DOCK10: variants seen among roughly 807,000 people sequenced by gnomAD.
DOCK10 encodes dedicator of cytokinesis 10.
Under a neutral mutation model 280.1 loss-of-function variants are expected in DOCK10, and 145 were observed. The ratio of observed to expected loss-of-function variants is 0.52; its 90% confidence interval spans 0.45 to 0.59. The LOEUF (loss-of-function observed/expected upper bound fraction) is 0.59. Ranked by LOEUF, DOCK10 falls within the 20% of genes least tolerant of loss-of-function variation. The pLI, the probability that DOCK10 is intolerant of heterozygous loss-of-function variation, is 0.00. For synonymous variants in DOCK10, 915 were observed against 942.2 expected (o/e 0.97, Z 0.53); for missense variants, 2,368 against 2,651.7 (o/e 0.89, Z 2.35).
chr2:224,838,983 CA>C (rs1235402375), intron 24 of DOCK10, among the ~76,000 whole-genome samples: 5 of 152,186 alleles, frequency 3.3e-5, no homozygotes, highest in Non-Finnish European at 7.3e-5. Flanking sequence ...AAATATCAAA[CA>C]TGCAACCACC....
chr2:224,900,759 T>G (rs1397183519), intron 3 of DOCK10, among the ~76,000 whole-genome samples: 1 of 152,230 alleles, frequency 6.6e-6, no homozygotes, highest in Non-Finnish European at 1.5e-5. Context: ...GTGTAAGCCC[T>G]CAATAAGTAC....
In DOCK10 at chr2:224,919,069, G is replaced by GGT. The variant is rs749875061; in HGVS notation, c.244-2287_244-2286dup. Among the ~76,000 whole-genome samples the GGT allele has an allele frequency of 8.7e-5, 13 of 149,312 alleles. No homozygotes were observed. In the South Asian group the frequency reaches 2.1e-3, roughly 24 times the overall value. ...TGTGTGGTCTGTGTGGTGTATGTGT[G>GGT]GTGTGTGTGTGTGGGGAGTGTGTGT... On this transcript the variant is annotated intron_variant, in intron 2 of 55. Transcript: ENST00000258390.
intron 1 of DOCK10, among the ~76,000 whole-genome samples, chr2:224,955,433 T>C (rs924518382): frequency 6.6e-6 from 1 of 152,226 alleles, no homozygotes; most frequent in East Asian, 1.9e-4. Flanking sequence ...TAAATGCCAA[T>C]TGCTGAGTGT....
At chr2:224,907,544 C>G (rs892176617) in intron 3 of DOCK10, among the ~76,000 whole-genome samples, 2 of 152,038 alleles carry the variant, frequency 1.3e-5, no homozygotes, top group Middle Eastern at 6.8e-3. Flanking sequence ...AAAAATTAGC[C>G]GGGTGTGGTG....
At chr2:224,903,352 T>C (rs1013585641) in intron 3 of DOCK10, among the ~76,000 whole-genome samples, 7 of 152,226 alleles carry the variant, frequency 4.6e-5, no homozygotes, top group African/African-American at 1.7e-4. Flanking sequence ...TAATGTCATA[T>C]CAAGGGCCAA....
intron 1 of DOCK10, among the ~76,000 whole-genome samples, chr2:224,963,113 G>A (rs1249329755): frequency 6.6e-6 from 1 of 152,126 alleles, no homozygotes; most frequent in Non-Finnish European, 1.5e-5. Context: ...GGCCATGCCT[G>A]CCCTAGTTTG....
chr2:225,033,638 A>G (rs1487237738), intron 1 of DOCK10, among the ~76,000 whole-genome samples: 1 of 152,208 alleles, frequency 6.6e-6, no homozygotes, highest in Non-Finnish European at 1.5e-5. Context: ...AATGTAGGTC[A>G]ACATTTTGAG....
chr2:225,025,866 C>G (rs992158120), intron 1 of DOCK10, among the ~76,000 whole-genome samples: 5 of 152,148 alleles, frequency 3.3e-5, no homozygotes, highest in Non-Finnish European at 2.9e-5. Context: ...ATCCATCCAT[C>G]TAACCAAGAA....
intron 55 of DOCK10, among the ~76,000 whole-genome samples, chr2:224,769,212 T>C (rs1690255117): frequency 6.6e-6 from 1 of 152,220 alleles, no homozygotes; most frequent in Non-Finnish European, 1.5e-5. Context: ...TTCTCCAATA[T>C]AACTCGGTCA....
At chr2:225,023,139 G>A (rs1413754246) in intron 1 of DOCK10, among the ~76,000 whole-genome samples, 2 of 151,934 alleles carry the variant, frequency 1.3e-5, no homozygotes, top group East Asian at 1.9e-4. Flanking sequence ...AGGTTCAAGC[G>A]ATTCTCCTGC....
intron 16 of DOCK10, 66 bp downstream of exon 16, chr2:224,854,895 CCA>C (rs1697004577): frequency 5.4e-6 from 6 of 1,112,530 alleles, no homozygotes; most frequent in African/African-American, 1.9e-5. Context: ...AACCAACCAA[CCA>C]AAACAAACCC....
At chr2:225,039,706 C>CA (rs1277306320) in intron 1 of DOCK10, among the ~76,000 whole-genome samples, 2 of 152,036 alleles carry the variant, frequency 1.3e-5, no homozygotes, top group Non-Finnish European at 2.9e-5. Context: ...CTCTCTCTCT[C>CA]TCTCTCTGTA....
intron 41 of DOCK10, among the ~76,000 whole-genome samples, chr2:224,799,700 C>T (rs1692838625): frequency 6.6e-6 from 1 of 152,204 alleles, no homozygotes; most frequent in Non-Finnish European, 1.5e-5. Context: ...GTCTTTTTAA[C>T]TTTAGCCATT....
At chr2:224,956,968 T>C (rs1003706202) in intron 1 of DOCK10, among the ~76,000 whole-genome samples, 3 of 152,206 alleles carry the variant, frequency 2.0e-5, no homozygotes, top group Non-Finnish European at 4.4e-5. Flanking sequence ...GTGCTTGGAA[T>C]TTGTAAACCT....
At chr2:224,815,746 T>C (rs748880715) in intron 30 of DOCK10, among the ~76,000 whole-genome samples, 2 of 152,040 alleles carry the variant, frequency 1.3e-5, no homozygotes, top group Non-Finnish European at 2.9e-5. Flanking sequence ...AAAGCAAATA[T>C]GCCTCTCAGC....
At chr2:224,868,047 T>A (rs1264730026) in intron 11 of DOCK10, among the ~76,000 whole-genome samples, 3 of 152,162 alleles carry the variant, frequency 2.0e-5, no homozygotes, top group Non-Finnish European at 4.4e-5. Flanking sequence ...GAGAGGTTTT[T>A]TTTGTGTGTG....
intron 2 of DOCK10, among the ~76,000 whole-genome samples, chr2:224,921,110 A>ATATAT (rs1185460802): frequency 2.9e-5 from 2 of 69,622 alleles, no homozygotes; most frequent in African/African-American, 2.1e-4. Context: ...AAAAAAAAAA[A>ATATAT]AAATATATAT....
At chr2:224,881,088 G>A (rs1266184058) in intron 7 of DOCK10, among the ~76,000 whole-genome samples, 1 of 152,060 alleles carries the variant, frequency 6.6e-6, no homozygotes, top group African/African-American at 2.4e-5. Context: ...AAGCAAATAA[G>A]CAGAAAGACA....
At position 224,804,204 on chromosome 2, in the gene DOCK10, A is replaced by G; in HGVS notation, c.4176T>C (p.Ala1392=). ...LGKRNIIRKI[A]AAFKFVQSTQ... ...TGGACTGCACAAATTTAAATGCAGCAGCAATTTTTCTGCAATGAAAATGGA... is the reference window on the plus strand; with the variant it reads ...TGGACTGCACAAATTTAAATGCAGCGGCAATTTTTCTGCAATGAAAATGGA... Residue 1392 remains alanine, a synonymous_variant, in exon 39 of 56, where the codon GCT becomes GCC. Coordinates refer to ENST00000258390, the MANE Select transcript of DOCK10 (RefSeq NM_014689.3). The G allele has an allele frequency of 6.2e-7, 1 of 1,608,698 alleles. No individual in the cohort carries two copies. The highest frequency in any genetic ancestry group is 8.5e-7 in the Non-Finnish European group (1 of 1,176,720).
Sources: allele counts gnomAD v4.1 joint callset (sites outside exome capture counted in the v4.1 genomes callset), GRCh38; gene constraint gnomAD v4.1.1; transcripts MANE v1.5; gene names NCBI Gene and HGNC (gene_info 2026-07-23, HGNC 2026-07-21).